PPP1R9A: variants seen among roughly 807,000 people sequenced by gnomAD.
PPP1R9A encodes neurabin-1.
In PPP1R9A, 59 loss-of-function variants were observed where a neutral mutation model predicts 141.9. That is an observed-to-expected ratio of 0.42 (90% CI 0.34 to 0.52). The LOEUF is 0.52. PPP1R9A is among the 20% of genes least tolerant of loss of function. The pLI, the probability that PPP1R9A is intolerant of heterozygous loss-of-function variation, is 0.10. For synonymous variants in PPP1R9A, 500 were observed against 569.7 expected, an observed-to-expected ratio of 0.88 and a Z score of 1.74; for missense variants, 1,444 against 1,611.9, an observed-to-expected ratio of 0.90 and a Z score of 1.78.
intron 4 of PPP1R9A, among the ~76,000 whole-genome samples, chr7:95,144,276 CATA>C (rs1193550364): frequency 6.6e-6 from 1 of 152,158 alleles, no homozygotes; most frequent in Non-Finnish European, 1.5e-5. Flanking sequence ...TTTCACTTAG[CATA>C]ATGTCTTCCA....
intron 2 of PPP1R9A, among the ~76,000 whole-genome samples, chr7:95,019,368 G>A (rs1240057167): frequency 6.6e-6 from 1 of 152,200 alleles, no homozygotes; most frequent in African/African-American, 2.4e-5. Flanking sequence ...GGGCGATAGA[G>A]CGAGACTCAG....
In PPP1R9A at chr7:95,066,793, CAAGT is replaced by C. The variant is rs151112337; in HGVS notation, c.1396-44463_1396-44460del. On this transcript the variant is annotated intron_variant, in intron 2 of 19. Coordinates refer to ENST00000433360, the MANE Select transcript of PPP1R9A (RefSeq NM_001166160.2). ...AGGAAAAGGAAGTGAAATTATCAAG[CAAGT>C]AATACTGAGATTGTCCTAGAGCTAG... Among the ~76,000 whole-genome samples the C allele has an allele frequency of 4.0e-3, 603 of 152,172 alleles. 8 individuals are homozygous for C. Among genetic ancestry groups the C allele is most frequent in the African/African-American group, 0.014 (573 of 41,532 alleles).
chr7:94,909,098 T>C (rs1211541320), intron 1 of PPP1R9A, among the ~76,000 whole-genome samples: 1 of 152,230 alleles, frequency 6.6e-6, no homozygotes, highest in African/African-American at 2.4e-5. Flanking sequence ...TTGCGTTGCG[T>C]GTTGAACTGT....
intron 4 of PPP1R9A, among the ~76,000 whole-genome samples, chr7:95,127,284 T>C (rs1823723252): frequency 6.6e-6 from 1 of 152,096 alleles, no homozygotes; most frequent in South Asian, 2.1e-4. Context: ...AAAATGATAA[T>C]CAAATAGCAT....
chr7:95,099,805 T>A (rs754846901), intron 2 of PPP1R9A, among the ~76,000 whole-genome samples: 114 of 152,010 alleles, frequency 7.5e-4, no homozygotes, highest in Non-Finnish European at 1.4e-3. Flanking sequence ...AGAATAAAAA[T>A]GAAAATTAAA....
At chr7:95,027,872 G>T (rs550619112) in intron 2 of PPP1R9A, among the ~76,000 whole-genome samples, 1 of 152,066 alleles carries the variant, frequency 6.6e-6, no homozygotes, top group Non-Finnish European at 1.5e-5. Flanking sequence ...CCTCATTTTT[G>T]TGGTCTATTG....
chr7:95,056,431 G>A (rs1563175304), intron 2 of PPP1R9A, among the ~76,000 whole-genome samples: 1 of 152,136 alleles, frequency 6.6e-6, no homozygotes, highest in African/African-American at 2.4e-5. Context: ...ACTTTGAGCA[G>A]CATAGCAGAT....
chr7:95,218,778 C>T (rs1324649906), intron 7 of PPP1R9A, among the ~76,000 whole-genome samples: 2 of 152,140 alleles, frequency 1.3e-5, no homozygotes, highest in Non-Finnish European at 2.9e-5. Context: ...TTATCAGAGA[C>T]TAGGATTGCA....
chr7:95,273,903 T>C lies in PPP1R9A; in HGVS notation c.3129T>C (p.Asp1043=), dbSNP rs1802661347. The C allele has an allele frequency of 1.3e-6, 2 of 1,500,402 alleles. No individual in the cohort carries two copies. The highest frequency in any genetic ancestry group is 1.1e-5 in the South Asian group (1 of 87,186). 92.9% of individuals were successfully genotyped at this position (1,500,402 alleles called of 1,614,324 possible). A position where few individuals can be genotyped will look rare whatever the true frequency, so the allele number is the denominator to read the frequency against. Residue 1043 remains aspartate (D), a synonymous_variant, in exon 15 of 20, where the codon GAT becomes GAC. Transcript: ENST00000433360. ...TCACAAATGTGTATATCCTAGATGA[T>C]GCCAAAGATCCCAAATCACTAAGGG... The part of the protein sequence containing the change: ...TNKKILREKD[D]AKDPKSLRAS...
intron 2 of PPP1R9A, among the ~76,000 whole-genome samples, chr7:95,039,637 C>T (rs1808936881): frequency 6.7e-6 from 1 of 149,982 alleles, no homozygotes; most frequent in African/African-American, 2.5e-5. Flanking sequence ...TTCAGTGTAT[C>T]AATAGACTTG....
intron 2 of PPP1R9A, among the ~76,000 whole-genome samples, chr7:94,979,328 C>A (rs1444121052): frequency 6.6e-6 from 1 of 152,088 alleles, no homozygotes; most frequent in Admixed American, 6.5e-5. Context: ...CAGGTATATC[C>A]TGTATATCTC....
intron 2 of PPP1R9A, among the ~76,000 whole-genome samples, chr7:95,004,486 T>A (rs1426374429): frequency 6.6e-6 from 1 of 152,164 alleles, no homozygotes; most frequent in Non-Finnish European, 1.5e-5. Context: ...TATACCTTTT[T>A]AAATTAACTA....
intron 17 of PPP1R9A, among the ~76,000 whole-genome samples, chr7:95,284,744 G>A (rs747949050): frequency 3.3e-5 from 5 of 152,164 alleles, no homozygotes; most frequent in Admixed American, 6.6e-5. Flanking sequence ...AACAACTGCT[G>A]TATAATTCTA....
chr7:95,038,548 G>T (rs1158484763), intron 2 of PPP1R9A, among the ~76,000 whole-genome samples: 1 of 152,026 alleles, frequency 6.6e-6, no homozygotes, highest in African/African-American at 2.4e-5. Flanking sequence ...TTAATAAAAT[G>T]TCCACACTCC....
rs1789781207 is a variant in PPP1R9A, at chr7:95,202,495, TTC to T, written c.1891-1168_1891-1167del. ...ATATATCTGTGATTCATGATTTAATTTCTGTTTAATCGAAGTATTGATCACTT... is the reference window on the plus strand; with the variant it reads ...ATATATCTGTGATTCATGATTTAATTTGTTTAATCGAAGTATTGATCACTT... On this transcript the variant is annotated intron_variant, in intron 6 of 19. Coordinates refer to ENST00000433360, the MANE Select transcript of PPP1R9A (RefSeq NM_001166160.2). 1.6e-5 allele frequency: 7 copies of T among 445,542 alleles called. No individual in the cohort carries two copies. The South Asian group carries it at 4.8e-4, about 31-fold the overall frequency. 27.6% of individuals were successfully genotyped at this position (445,542 alleles called of 1,614,324 possible).
chr7:94,961,077 A>G (rs1014750048), intron 2 of PPP1R9A, among the ~76,000 whole-genome samples: 2 of 151,604 alleles, frequency 1.3e-5, no homozygotes, highest in Non-Finnish European at 3.0e-5. Flanking sequence ...AGAATTGAGT[A>G]GTGATATGAT....
chr7:95,259,840 G>A (rs1800156478), intron 12 of PPP1R9A, among the ~76,000 whole-genome samples: 2 of 152,138 alleles, frequency 1.3e-5, no homozygotes, highest in African/African-American at 2.4e-5. Flanking sequence ...ATTTCATGCT[G>A]TCACACTGTT....
intron 2 of PPP1R9A, among the ~76,000 whole-genome samples, chr7:95,072,815 A>T (rs1584537848): frequency 1.4e-5 from 1 of 69,614 alleles, no homozygotes; most frequent in Non-Finnish European, 2.6e-5. Context: ...TATTATATAT[A>T]ATAATTATTA....
Position 95,203,670 on chromosome 7 carries a change from T to A in PPP1R9A, c.1896T>A (p.Thr632=). 1 of 1,536,462 alleles carries A rather than the reference T, an allele frequency of 6.5e-7. No individual in the cohort carries two copies. The highest frequency in any genetic ancestry group is 8.7e-7 in the Non-Finnish European group (1 of 1,146,272). ...TTTTTTGTCAACCATTTTAGAACAC[T>A]GTGGCTGAATTGCAAGGAATGTCTG... ...AQYDADDDEN[T]VAELQGMSGN... is the part of the protein sequence containing the mutation. The change falls in exon 7 of 20, where the codon ACT becomes ACA. Residue 632 remains threonine, a synonymous_variant. Coordinates refer to ENST00000433360, the MANE Select transcript of PPP1R9A (RefSeq NM_001166160.2).
Sources: gnomAD v4.1 joint callset for allele counts (sites outside exome capture counted in the v4.1 genomes callset) on GRCh38, gnomAD v4.1.1 for gene constraint, MANE v1.5 for transcripts, NCBI Gene and HGNC (gene_info 2026-07-23, HGNC 2026-07-21) for gene names.